The following LONP2 variants were observed in gnomAD, a reference collection of about 807,000 sequenced individuals.
LONP2 encodes the protein lon protease homolog 2, peroxisomal.
A neutral mutation model predicts 85.6 loss-of-function variants in LONP2; 60 were observed. The ratio of observed to expected loss-of-function variants is 0.70; its 90% CI spans 0.57 to 0.87. The LOEUF (loss-of-function observed/expected upper bound fraction) is 0.87. Ranked by LOEUF, LONP2 falls within the 40% of genes least tolerant of loss-of-function variation. LONP2 has a pLI of 0.00. For synonymous variants in LONP2, 395 were observed against 389.7 expected (o/e 1.01, Z -0.16); for missense variants, 860 against 1,063.5 (o/e 0.81, Z 2.66).
At chr16:48,245,308 TAC>T (rs900372136) in intron 1 of LONP2, among the ~76,000 whole-genome samples, 2 of 152,196 alleles carry the variant, frequency 1.3e-5, no homozygotes, top group Non-Finnish European at 2.9e-5. Context: ...GCCCCAGGCT[TAC>T]TACTATATTG....
intron 12 of LONP2, 80 bp from the exon 13 acceptor site, chr16:48,347,427 G>C: frequency 7.1e-7 from 1 of 1,403,734 alleles, no homozygotes; most frequent in East Asian, 2.3e-5. Context: ...TGTGGAGTCA[G>C]CCGACTCTTG....
chr16:48,347,904 GGTTT>G, intron 13 of LONP2, among the ~76,000 whole-genome samples, 190 bp downstream of exon 13: 1 of 152,128 alleles, frequency 6.6e-6, no homozygotes, highest in Admixed American at 6.5e-5. Flanking sequence ...TAATTCAAAA[GGTTT>G]ATTTTGTTTT....
At chr16:48,327,868 T>G (rs1430519307) in intron 11 of LONP2, among the ~76,000 whole-genome samples, 1 of 152,136 alleles carries the variant, frequency 6.6e-6, no homozygotes, top group African/African-American at 2.4e-5. Context: ...TAGAGCAGAG[T>G]CTTCAGTCTT....
intron 2 of LONP2, among the ~76,000 whole-genome samples, chr16:48,254,369 T>C (rs1169547048): frequency 6.6e-6 from 1 of 151,910 alleles, no homozygotes; most frequent in Admixed American, 6.6e-5. Context: ...CTCTGATTTT[T>C]TTTTTTTTTT....
intron 11 of LONP2, among the ~76,000 whole-genome samples, chr16:48,325,067 C>T (rs987081561): frequency 5.3e-5 from 8 of 152,146 alleles, no homozygotes; most frequent in East Asian, 3.9e-4. Flanking sequence ...AGTTTTTCCA[C>T]GGACCTGTGG....
downstream of LONP2, among the ~76,000 whole-genome samples, chr16:48,359,462 C>T (rs371318573): frequency 3.9e-5 from 6 of 152,210 alleles, no homozygotes; most frequent in East Asian, 9.7e-4. Context: ...CGGTGGCTCA[C>T]GCCTATAATC....
intron 11 of LONP2, among the ~76,000 whole-genome samples, chr16:48,330,215 T>C (rs1330463114): frequency 6.6e-6 from 1 of 152,286 alleles, no homozygotes; most frequent in East Asian, 1.9e-4. Flanking sequence ...GTTTCTTTTA[T>C]AGGAGTATTA....
intron 3 of LONP2, among the ~76,000 whole-genome samples, chr16:48,258,005 C>T (rs1209761051): frequency 6.6e-6 from 1 of 152,154 alleles, no homozygotes; most frequent in South Asian, 2.1e-4. Context: ...GAGAGTAATT[C>T]CCAGAAAGAG....
At chr16:48,248,287 A>G (rs1489771909) in intron 1 of LONP2, among the ~76,000 whole-genome samples, 1 of 116,568 alleles carries the variant, frequency 8.6e-6, no homozygotes, top group East Asian at 2.4e-4. Context: ...ATGCCTAGCT[A>G]TTTTTTTTTT....
Position 48,303,175 on chromosome 16 carries a change from T to C in LONP2, c.1665T>C (p.Tyr555=), listed in dbSNP as rs761147256. 1 of 1,614,134 alleles carries C rather than the reference T, an allele frequency of 6.2e-7. No individual in the cohort carries two copies. Among genetic ancestry groups the C allele is most frequent in the South Asian group, 1.1e-5 (1 of 91,082 alleles). ...QVTTLDIITR[Y]TREAGVRSLD... is the part of the protein sequence containing the mutation. ...AAATATTTTTGTTTGATGACAGGTATACCAGAGAGGCAGGGGTTCGTTCTC... is the reference window on the plus strand; with the variant it reads ...AAATATTTTTGTTTGATGACAGGTACACCAGAGAGGCAGGGGTTCGTTCTC... Residue 555 remains tyrosine (Y), a synonymous_variant, in exon 11 of 15, where the codon TAT becomes TAC. Coordinates refer to ENST00000285737, the MANE Select transcript of LONP2 (RefSeq NM_031490.5).
In LONP2 at chr16:48,362,503, TGCCATAA is replaced by T. The variant is rs781265061; in HGVS notation, c.*642_*648del. On this transcript the variant is annotated 3_prime_UTR_variant, in exon 5 of 5. Transcript: ENST00000565867. This position sits in a 1 kb window ranked among gnomAD's most constrained non-coding sequence, Gnocchi z 4.2. ...ACTTACTTTATAAATAATGTTTACATGCCATAAGTCCTTTTAAAGTTTCATACAAAAT... is the reference window on the plus strand; with the variant it reads ...ACTTACTTTATAAATAATGTTTACATGTCCTTTTAAAGTTTCATACAAAAT... 16 of 1,466,002 alleles carry T rather than the reference TGCCATAA, an allele frequency of 1.1e-5. No individual in the cohort carries two copies. The highest frequency in any genetic ancestry group is 1.5e-5 in the Non-Finnish European group (16 of 1,060,660). The allele number at this position is 1,466,002 out of a possible 1,614,324, so 90.8% of individuals were successfully genotyped here.
chr16:48,346,685 C>T (rs1311399214), intron 12 of LONP2, among the ~76,000 whole-genome samples: 2 of 152,110 alleles, frequency 1.3e-5, no homozygotes, highest in South Asian at 2.1e-4. Context: ...AACTCCTGGG[C>T]TCAAGCGATC....
chr16:48,266,231 T>C (rs1240849244), intron 6 of LONP2, among the ~76,000 whole-genome samples: 2 of 152,048 alleles, frequency 1.3e-5, no homozygotes, highest in East Asian at 3.9e-4. Flanking sequence ...TCTCGAACTC[T>C]TGACCTCAAG....
Position 48,343,132 on chromosome 16 carries a change from A to G in LONP2, c.1939-4375A>G, listed in dbSNP as rs555619112. ...TCCTGTGTCTGATGCCCTTAGTCTC[A>G]GTGCCAGGAGGTATTCATGCTTATG... is the stretch of plus-strand genomic sequence containing the variant. On this transcript the variant is annotated intron_variant, in intron 12 of 14. Transcript: ENST00000285737. Among the ~76,000 whole-genome samples, 5 of 152,304 alleles carry G rather than the reference A, an allele frequency of 3.3e-5. No homozygotes were observed. In the South Asian group the frequency reaches 6.2e-4, roughly 19 times the overall value.
At chr16:48,308,310 ACTCT>A (rs998200748) in intron 11 of LONP2, among the ~76,000 whole-genome samples, 1 of 151,610 alleles carries the variant, frequency 6.6e-6, no homozygotes, top group African/African-American at 2.4e-5. Context: ...AAACTGAACC[ACTCT>A]CTCTCTTATT....
rs1006572064 is a variant in LONP2 at position 48,362,534 on chromosome 16, A to G, written c.*671A>G. 2.5e-5 allele frequency: 29 copies of G among 1,170,350 alleles called. No individual in the cohort carries two copies. The highest frequency in any genetic ancestry group is 3.5e-5 in the Non-Finnish European group (29 of 825,256). The allele number at this position is 1,170,350 out of a possible 1,614,324, so 72.5% of individuals were successfully genotyped here. On this transcript the variant is annotated 3_prime_UTR_variant, in exon 5 of 5. Coordinates refer to the LONP2 transcript ENST00000565867. This position sits in a 1 kb window ranked among gnomAD's most constrained non-coding sequence, Gnocchi z 4.2. ...AAGTCCTTTTAAAGTTTCATACAAA[A>G]TTTACTGAGCAAAAGAGGAAGAAAA... is the stretch of plus-strand genomic sequence containing the variant.
intron 11 of LONP2, among the ~76,000 whole-genome samples, chr16:48,325,148 C>T (rs1323936770): frequency 6.6e-6 from 1 of 152,114 alleles, no homozygotes. Flanking sequence ...GAGCACCCAC[C>T]CTACATCCCT....
intron 10 of LONP2, 57 bp downstream of exon 10, chr16:48,299,845 A>G (rs1418863717): frequency 6.4e-7 from 1 of 1,553,264 alleles, no homozygotes; most frequent in Non-Finnish European, 8.8e-7. Flanking sequence ...GTATTTACTG[A>G]GTTACCAAAC....
rs117377415 is a variant in LONP2, at chr16:48,292,682, A to C, written c.1384-3333A>C. ...CACAGATTTTCAGCAAGTCACAGGA[A>C]GTCAGCTGTTAACAAACTTTAAATA... On this transcript the variant is annotated intron_variant, in intron 8 of 14. Coordinates refer to ENST00000285737, the MANE Select transcript of LONP2 (RefSeq NM_031490.5). Among the ~76,000 whole-genome samples the C allele has an allele frequency of 1.8e-4, 28 of 152,374 alleles. No individual in the cohort carries two copies. The East Asian group carries it at 5.0e-3, about 27-fold the overall frequency.
Sources: gnomAD v4.1 joint callset for allele counts (sites outside exome capture counted in the v4.1 genomes callset) on GRCh38, gnomAD v4.1.1 for gene constraint, Gnocchi (gnomAD v3.1) non-coding constraint, MANE v1.5 for transcripts, NCBI Gene and HGNC (gene_info 2026-07-23, HGNC 2026-07-21) for gene names.